NEMP2: variants seen among roughly 807,000 people sequenced by gnomAD.
NEMP2 encodes UPF0571 transmembrane protein.
Under a neutral mutation model 54.2 loss-of-function variants are expected in NEMP2, and 53 were observed. That is an observed-to-expected ratio of 0.98 (90% confidence interval 0.78 to 1.23). The LOEUF (loss-of-function observed/expected upper bound fraction) is 1.23. Among genes scored for constraint, NEMP2 ranks in the 50% most tolerant of loss-of-function variants. The pLI is 0.00. For missense variants in NEMP2, 455 were observed against 511.3 expected (o/e 0.89, Z 1.06); for synonymous variants, 197 against 190.3 (o/e 1.04, Z -0.29).
the NEMP2 span, among the ~76,000 whole-genome samples, chr2:190,563,322 C>T: frequency 6.6e-6 from 1 of 152,098 alleles, no homozygotes; most frequent in African/African-American, 2.4e-5. This position sits in a 1 kb window ranked among gnomAD's most constrained non-coding sequence, Gnocchi z 4.3. Flanking sequence ...GTTTGTTCTC[C>T]CACAAACCCA....
the NEMP2 span, among the ~76,000 whole-genome samples, chr2:190,615,424 G>A: frequency 1.3e-5 from 2 of 152,226 alleles, no homozygotes; most frequent in Non-Finnish European, 2.9e-5. The surrounding 1 kb of genome is among the most constrained non-coding windows in gnomAD (Gnocchi z 4.7). Flanking sequence ...ACAGCCAGAT[G>A]GAAGAGATGC....
At chr2:190,645,854 A>G in the NEMP2 span, among the ~76,000 whole-genome samples, 97 of 152,368 alleles carry the variant, frequency 6.4e-4, no homozygotes, top group Non-Finnish European at 1.1e-3. Flanking sequence ...GTGCATGAAA[A>G]GACAATCAAA....
downstream of NEMP2, chr2:190,500,397 G>A (rs61743479): frequency 0.27 from 179,571 of 662,152 alleles, 27,655 homozygotes; most frequent in South Asian, 0.32. The surrounding 1 kb of genome is among the most constrained non-coding windows in gnomAD (Gnocchi z 5.3). Flanking sequence ...ATATTGGCAG[G>A]AAAAGGTAAA....
the NEMP2 span, among the ~76,000 whole-genome samples, chr2:190,480,248 A>ATAAAGGGTTAAGGGT: frequency 3.3e-5 from 5 of 152,178 alleles, no homozygotes; most frequent in Non-Finnish European, 7.4e-5. Flanking sequence ...TTATTGTCTA[A>ATAAAGGGTTAAGGGT]CTTAGTTTAA....
At chr2:190,543,352 C>G in the NEMP2 span, among the ~76,000 whole-genome samples, 25 of 152,326 alleles carry the variant, frequency 1.6e-4, no homozygotes, top group Middle Eastern at 3.4e-3. The surrounding 1 kb of genome is among the most constrained non-coding windows in gnomAD (Gnocchi z 4.7). Flanking sequence ...TGGTTGTCCT[C>G]TCTTTTTGCC....
At chr2:190,526,597 A>T (rs568217508) in intron 1 of NEMP2, among the ~76,000 whole-genome samples, 2 of 152,362 alleles carry the variant, frequency 1.3e-5, no homozygotes, top group South Asian at 4.1e-4. Context: ...TAGGAAATTA[A>T]ATCAGCAGGC....
chr2:190,626,809 G>A, the NEMP2 span: 1 of 152,186 alleles, frequency 6.6e-6, no homozygotes, highest in Non-Finnish European at 1.5e-5. This position sits in a 1 kb window ranked among gnomAD's most constrained non-coding sequence, Gnocchi z 4.5. Context: ...GGTTTCCCAA[G>A]TGTGCGTGCC....
At chr2:190,572,255 A>G in the NEMP2 span, among the ~76,000 whole-genome samples, 3 of 152,144 alleles carry the variant, frequency 2.0e-5, no homozygotes, top group Non-Finnish European at 4.4e-5. Context: ...AAATCTCAGG[A>G]AAAAAAGGAA....
At chr2:190,648,515 T>TG in the NEMP2 span, 1 of 53,928 alleles carries the variant, frequency 1.9e-5, no homozygotes, top group Non-Finnish European at 4.1e-5. Context: ...GGCGCGCTGT[T>TG]GTTTTTTTTT....
chr2:190,611,245 C>T, the NEMP2 span, among the ~76,000 whole-genome samples: 1 of 152,166 alleles, frequency 6.6e-6, no homozygotes, highest in Non-Finnish European at 1.5e-5. This position sits in a 1 kb window ranked among gnomAD's most constrained non-coding sequence, Gnocchi z 5.4. Flanking sequence ...AACTTTGGAA[C>T]ACATACAAAT....
At chr2:190,570,971 G>A in the NEMP2 span, among the ~76,000 whole-genome samples, 4 of 152,138 alleles carry the variant, frequency 2.6e-5, no homozygotes, top group Admixed American at 6.5e-5. The surrounding 1 kb of genome is among the most constrained non-coding windows in gnomAD (Gnocchi z 5.4). Context: ...TTGGAGTCCC[G>A]ATTACATATT....
chr2:190,461,812 AG>A, the NEMP2 span, among the ~76,000 whole-genome samples: 13 of 152,232 alleles, frequency 8.5e-5, no homozygotes, highest in Non-Finnish European at 1.5e-5. This position sits in a 1 kb window ranked among gnomAD's most constrained non-coding sequence, Gnocchi z 5.5. Flanking sequence ...TTTAAACTGT[AG>A]TATCTACAAT....
At chr2:190,567,757 T>A in the NEMP2 span, among the ~76,000 whole-genome samples, 1 of 152,230 alleles carries the variant, frequency 6.6e-6, no homozygotes, top group Non-Finnish European at 1.5e-5. This position sits in a 1 kb window ranked among gnomAD's most constrained non-coding sequence, Gnocchi z 4.0. Flanking sequence ...CAAGTTATTC[T>A]CCTGCCTCAG....
At chr2:190,500,977 CA>C (rs1689996219), downstream of NEMP2, 1 of 152,128 alleles carries the variant, frequency 6.6e-6, no homozygotes, top group African/African-American at 2.4e-5. This position sits in a 1 kb window ranked among gnomAD's most constrained non-coding sequence, Gnocchi z 5.3. Context: ...TCAAATCAAC[CA>C]ACCAACTCAG....
chr2:190,629,950 C>G, the NEMP2 span: 3 of 152,310 alleles, frequency 2.0e-5, no homozygotes, highest in African/African-American at 7.2e-5. Context: ...ATCCTAAAGA[C>G]AAAACACAAT....
At chr2:190,454,462 A>G in the NEMP2 span, 2 of 152,158 alleles carry the variant, frequency 1.3e-5, no homozygotes, top group Non-Finnish European at 2.9e-5. This position sits in a 1 kb window ranked among gnomAD's most constrained non-coding sequence, Gnocchi z 4.6. Context: ...GGCCCTCATA[A>G]TGGGGTTAGT....
At chr2:190,581,542 T>G in the NEMP2 span, among the ~76,000 whole-genome samples, 68,713 of 152,018 alleles carry the variant, frequency 0.45, 16,135 homozygotes, top group Non-Finnish European at 0.53. Context: ...TACCTTAGTT[T>G]ATAATGTACA....
At chr2:190,632,375 A>G in the NEMP2 span, among the ~76,000 whole-genome samples, 1 of 152,256 alleles carries the variant, frequency 6.6e-6, no homozygotes, top group Non-Finnish European at 1.5e-5. This position sits in a 1 kb window ranked among gnomAD's most constrained non-coding sequence, Gnocchi z 4.8. Flanking sequence ...CTGTATTCTC[A>G]GCATAGGACC....
the NEMP2 span, among the ~76,000 whole-genome samples, chr2:190,547,813 G>A: frequency 6.6e-6 from 1 of 152,176 alleles, no homozygotes; most frequent in Non-Finnish European, 1.5e-5. The surrounding 1 kb of genome is among the most constrained non-coding windows in gnomAD (Gnocchi z 6.2). Flanking sequence ...TGGGATTACA[G>A]GTGTGAGCCA....
Sources: allele counts gnomAD v4.1 joint callset (sites outside exome capture counted in the v4.1 genomes callset), GRCh38; gene constraint gnomAD v4.1.1; non-coding constraint Gnocchi (gnomAD v3.1); transcripts MANE v1.5; gene names NCBI Gene and HGNC (gene_info 2026-07-23, HGNC 2026-07-21).